SGCD: variants seen among roughly 807,000 people sequenced by gnomAD.
SGCD encodes sarcoglycan delta.
In SGCD, 18 loss-of-function variants were observed where a neutral mutation model predicts 36.6. The observed-to-expected ratio is 0.49, with a 90% CI of 0.34 to 0.73. SGCD has a LOEUF of 0.73. Among genes scored for constraint, SGCD ranks in the 30% least tolerant of loss-of-function variants. The pLI is 0.01. For missense variants in SGCD, 387 were observed against 346.7 expected (o/e 1.12, Z -0.92); for synonymous variants, 133 against 130.6 (o/e 1.02, Z -0.12).
At chr5:156,305,254 T>A (rs1459517234) in intron 3 of SGCD, among the ~76,000 whole-genome samples, 1 of 152,078 alleles carries the variant, frequency 6.6e-6, no homozygotes, top group Non-Finnish European at 1.5e-5. Context: ...GAAAAAGTAG[T>A]TTCATGGGCT....
intron 3 of SGCD, among the ~76,000 whole-genome samples, chr5:156,281,585 A>G (rs908139886): frequency 1.3e-5 from 2 of 152,208 alleles, no homozygotes; most frequent in Non-Finnish European, 2.9e-5. Flanking sequence ...ATAGTGAACA[A>G]AATAGATCTC....
Position 156,389,182 on chromosome 5 carries a change from A to G in SGCD, c.192+44505A>G, listed in dbSNP as rs78510742. Reference sequence around the variant, plus strand: ...TTCCCCTGGGACTTCTGTTGGCTACAAAAGCTGGGGGCAACCAGAACCTTA... The same window carrying G: ...TTCCCCTGGGACTTCTGTTGGCTACGAAAGCTGGGGGCAACCAGAACCTTA... On this transcript the variant is annotated intron_variant, in intron 3 of 8. Coordinates refer to ENST00000337851, the MANE Select transcript of SGCD (RefSeq NM_000337.6). 2.8e-4 allele frequency among the ~76,000 whole-genome samples: 42 copies of G among 152,350 alleles called. No homozygotes were observed. In the East Asian group the frequency reaches 5.6e-3, roughly 20 times the overall value.
At chr5:156,436,530 A>G (rs1201472874) in intron 3 of SGCD, among the ~76,000 whole-genome samples, 1 of 152,192 alleles carries the variant, frequency 6.6e-6, no homozygotes, top group African/African-American at 2.4e-5. Context: ...TGTGGAAGCT[A>G]AAAGGGCCCT....
intron 1 of SGCD, among the ~76,000 whole-genome samples, chr5:155,995,463 G>T (rs748606501): frequency 1.3e-5 from 2 of 152,114 alleles, no homozygotes; most frequent in African/African-American, 4.8e-5. Context: ...TGTGTAAGTT[G>T]TGATATGTTA....
At chr5:156,247,938 T>A (rs1765479374) in intron 3 of SGCD, among the ~76,000 whole-genome samples, 1 of 152,224 alleles carries the variant, frequency 6.6e-6, no homozygotes, top group Non-Finnish European at 1.5e-5. Context: ...ACTGTAATTA[T>A]AAACTGAAGT....
At chr5:156,248,244 G>T (rs1469117473) in intron 3 of SGCD, among the ~76,000 whole-genome samples, 1 of 152,132 alleles carries the variant, frequency 6.6e-6, no homozygotes, top group African/African-American at 2.4e-5. Flanking sequence ...GCCATTGGCT[G>T]GGCTGGGTGG....
chr5:156,426,093 G>T (rs1037927772), intron 3 of SGCD, among the ~76,000 whole-genome samples: 1 of 151,992 alleles, frequency 6.6e-6, no homozygotes, highest in Non-Finnish European at 1.5e-5. Flanking sequence ...GGATTGCTAG[G>T]TCAAATGATA....
At chr5:156,473,327 C>T (rs1325128350) in intron 3 of SGCD, among the ~76,000 whole-genome samples, 1 of 152,146 alleles carries the variant, frequency 6.6e-6, no homozygotes, top group Admixed American at 6.5e-5. Flanking sequence ...AACTATCATA[C>T]GTTGCAAATA....
intron 1 of SGCD, among the ~76,000 whole-genome samples, chr5:155,883,808 A>AG (rs1561637565): frequency 6.6e-6 from 1 of 151,708 alleles, no homozygotes; most frequent in Non-Finnish European, 1.5e-5. Flanking sequence ...AAAAAAAAAA[A>AG]AAAAAAGAAA....
Position 156,766,687 on chromosome 5 carries a change from A to T in SGCD, c.*7297A>T, listed in dbSNP as rs1232821784. The stretch of plus-strand genomic sequence containing the variant: ...TTTCTTTGGAATGCTTTCATCTTCT[A>T]AGCAAAGGGATCAGGGTTTGATCTG... On this transcript the variant is annotated 3_prime_UTR_variant, in exon 9 of 9. Coordinates refer to ENST00000337851, the MANE Select transcript of SGCD (RefSeq NM_000337.6). 1 of 151,158 alleles carries T rather than the reference A, an allele frequency of 6.6e-6. No individual in the cohort carries two copies. Among genetic ancestry groups the T allele is most frequent in the Non-Finnish European group, 1.5e-5 (1 of 67,896 alleles). 9.4% of individuals were successfully genotyped at this position (151,158 alleles called of 1,614,324 possible).
At chr5:156,071,116 G>T (rs1375784979) in intron 1 of SGCD, among the ~76,000 whole-genome samples, 1 of 152,012 alleles carries the variant, frequency 6.6e-6, no homozygotes, top group Non-Finnish European at 1.5e-5. Context: ...AGGGTTTTTT[G>T]TGTCTCTATT....
Position 156,159,483 on chromosome 5 carries a change from C to A in SGCD, c.-44+35464C>A, listed in dbSNP as rs1055533515. Among the ~76,000 whole-genome samples, 8 of 151,230 alleles carry A rather than the reference C, an allele frequency of 5.3e-5. 1 individual carries two copies. The highest frequency in any genetic ancestry group is 5.3e-4 in the Admixed American group (8 of 15,224). ...TTCTCTGAACCACTCATAAAAAAAA[C>A]AAAACAAAACAAATAAACAAACAAA... On this transcript the variant is annotated intron_variant, in intron 3 of 9. Coordinates refer to the SGCD transcript ENST00000517913.
intron 7 of SGCD, chr5:156,703,956 T>G (rs542569285): frequency 1.1e-4 from 16 of 152,214 alleles, no homozygotes; most frequent in Admixed American, 2.6e-4. Context: ...GAGGGAGGAA[T>G]GAACCACCAT....
chr5:156,741,400 T>C (rs1756666098), intron 7 of SGCD, among the ~76,000 whole-genome samples: 2 of 152,170 alleles, frequency 1.3e-5, no homozygotes, highest in African/African-American at 4.8e-5. Context: ...GGTTTTTTGA[T>C]TCATGAGACT....
chr5:156,211,355 C>T (rs189577517), intron 3 of SGCD, among the ~76,000 whole-genome samples: 16 of 152,216 alleles, frequency 1.1e-4, no homozygotes, highest in Middle Eastern at 3.4e-3. Context: ...AGCCTGTAAT[C>T]CCAGCACTTT....
At chr5:155,928,777 A>T (rs1757044546) in intron 1 of SGCD, among the ~76,000 whole-genome samples, 1 of 152,070 alleles carries the variant, frequency 6.6e-6, no homozygotes, top group African/African-American at 2.4e-5. Flanking sequence ...ACAACTTAAA[A>T]ATTGGATTCT....
intron 1 of SGCD, among the ~76,000 whole-genome samples, chr5:156,081,617 A>C (rs1480913793): frequency 6.6e-6 from 1 of 152,100 alleles, no homozygotes; most frequent in Admixed American, 6.5e-5. Context: ...GCTGGTTTCA[A>C]ACTCTTGTGC....
At chr5:156,542,665 T>A (rs1262348358) in intron 4 of SGCD, among the ~76,000 whole-genome samples, 2 of 152,148 alleles carry the variant, frequency 1.3e-5, no homozygotes, top group African/African-American at 4.8e-5. Context: ...CTCAGAGACA[T>A]GGAGTAATTT....
chr5:156,181,208 A>G (rs1763597434), intron 3 of SGCD, among the ~76,000 whole-genome samples: 1 of 152,108 alleles, frequency 6.6e-6, no homozygotes, highest in Non-Finnish European at 1.5e-5. Context: ...TGTTTTCTGC[A>G]CCCCAAAAAT....
Sources: allele counts gnomAD v4.1 joint callset (sites outside exome capture counted in the v4.1 genomes callset), GRCh38; gene constraint gnomAD v4.1.1; transcripts MANE v1.5; gene names NCBI Gene and HGNC (gene_info 2026-07-23, HGNC 2026-07-21).